LY6H: variants seen among roughly 807,000 people sequenced by gnomAD.
The protein encoded by LY6H is lymphocyte antigen 6 family member H, also known as lymphocyte antigen 6H.
LY6H carries 8 observed loss-of-function variants against 14.6 expected under a neutral mutation model. The ratio of observed to expected loss-of-function variants is 0.55; its 90% CI spans 0.32 to 0.99. The LOEUF (loss-of-function observed/expected upper bound fraction) is 0.99, where lower values mean the gene tolerates loss of function less well. LY6H is among the 50% of genes least tolerant of loss of function. The pLI is 0.04. For synonymous variants in LY6H, 115 were observed against 97.2 expected (o/e 1.18, Z -1.08); for missense variants, 196 against 219.6 (o/e 0.89, Z 0.68).
Position 143,158,323 on chromosome 8 carries a change from C to G in LY6H, c.413G>C (p.Gly138Ala). The change falls in exon 4 of 4, where the codon GGG becomes GCG. Residue 138 changes from glycine to alanine, a missense_variant. Physicochemically the swap from Gly to Ala is moderately conservative, Grantham distance 60. Transcript: ENST00000342752. ...KDLCNGAAGA[G>A]HSPWALAGGL... is the part of the protein sequence containing the mutation. Reference sequence around the variant, plus strand: ...CCCGGCCAGGGCCCAGGGGCTGTGCCCTGCCCCTGCCGCCCCATTGCACAA... The same window carrying G: ...CCCGGCCAGGGCCCAGGGGCTGTGCGCTGCCCCTGCCGCCCCATTGCACAA... 1 of 1,613,754 alleles carries G rather than the reference C, an allele frequency of 6.2e-7. No individual in the cohort carries two copies. The highest frequency in any genetic ancestry group is 8.5e-7 in the Non-Finnish European group (1 of 1,179,878).
Position 143,158,276 on chromosome 8 carries a change from G to GC in LY6H, c.459dup (p.Pro154AlafsTer58). 1.9e-6 allele frequency: 3 copies of GC among 1,612,706 alleles called. No homozygotes were observed. The highest frequency in any genetic ancestry group is 2.5e-6 in the Non-Finnish European group (3 of 1,179,292). On this transcript the variant is annotated frameshift_variant, in exon 4 of 4. Coordinates refer to ENST00000342752, the MANE Select transcript of LY6H (RefSeq NM_001135655.2). LOFTEE classifies it high-confidence loss of function. ...CAGGGCCCAGCCCAGAGGAGGGCAG[G>GC]CCCCAGGCTGAGCAGGAGCCCCCCG...
Position 143,159,673 on chromosome 8 carries a change from G to C in LY6H, c.39C>G (p.Arg13=). Residue 13 remains arginine (R), a synonymous_variant, in exon 2 of 4, where the codon CGC becomes CGG. Coordinates refer to ENST00000342752, the MANE Select transcript of LY6H (RefSeq NM_001135655.2). ...APQRTRAPSP[R]AAPRPTRSML... is the part of the protein sequence containing the mutation. Reference sequence around the variant, plus strand: ...TGCTCCGGGTGGGCCTGGGGGCGGCGCGGGGGCTTGGGGCGCGGGTCCTCT... The same window carrying C: ...TGCTCCGGGTGGGCCTGGGGGCGGCCCGGGGGCTTGGGGCGCGGGTCCTCT... 1 of 1,399,772 alleles carries C rather than the reference G, an allele frequency of 7.1e-7. No individual in the cohort carries two copies. Among genetic ancestry groups the C allele is most frequent in the Non-Finnish European group, 9.2e-7 (1 of 1,088,106 alleles). 86.7% of individuals were successfully genotyped at this position (1,399,772 alleles called of 1,614,324 possible).
chr8:143,158,621 G>T, intron 3 of LY6H, 136 bp from the exon 4 acceptor site: 2 of 1,146,040 alleles, frequency 1.7e-6, no homozygotes, highest in Non-Finnish European at 2.5e-6. Flanking sequence ...ACCCTCCCAC[G>T]CTGGCCTCAA....
rs546448972 is a variant in LY6H at position 143,160,231 on chromosome 8, G to A, written c.-32C>T. 1.1e-5 allele frequency: 14 copies of A among 1,280,150 alleles called. No homozygotes were observed. The Admixed American group carries it at 1.6e-4, about 14-fold the overall frequency. The allele number at this position is 1,280,150 out of a possible 1,614,324, so 79.3% of individuals were successfully genotyped here. A position where few individuals can be genotyped will look rare whatever the true frequency, so the allele number is the denominator to read the frequency against. ...GGTGTCCGCACTCCGGGCTCGGGCG[G>A]CGTGCGCGGCGCGGGGAGCTGTGCC... On this transcript the variant is annotated 5_prime_UTR_variant, in exon 1 of 4. Transcript: ENST00000342752.
intron 1 of LY6H, 30 bp downstream of exon 1, chr8:143,160,168 G>C: frequency 7.8e-7 from 1 of 1,278,524 alleles, no homozygotes; most frequent in Admixed American, 3.2e-5. Flanking sequence ...GGCGTGGAGC[G>C]CGGGCCTCGG....
chr8:143,159,654 G>A lies in LY6H; in HGVS notation c.58C>T (p.Arg20Trp). The part of the protein sequence containing the change: ...PSPRAAPRPT[R>W]SMLPAAMKGL... ...TTCATGGCTGCAGGCAGCATGCTCC[G>A]GGTGGGCCTGGGGGCGGCGCGGGGG... is the stretch of plus-strand genomic sequence containing the variant. Residue 20 changes from arginine to tryptophan, a missense_variant, in exon 2 of 4, where the codon CGG (arginine) becomes TGG (tryptophan). Coordinates refer to ENST00000342752, the MANE Select transcript of LY6H (RefSeq NM_001135655.2). 3 of 1,423,618 alleles carry A rather than the reference G, an allele frequency of 2.1e-6. No homozygotes were observed. The highest frequency in any genetic ancestry group is 1.8e-6 in the Non-Finnish European group (2 of 1,100,142). 88.2% of individuals were successfully genotyped at this position (1,423,618 alleles called of 1,614,324 possible).
chr8:143,159,811 G>A, intron 1 of LY6H, 102 bp from the exon 2 acceptor site: 1 of 1,244,162 alleles, frequency 8.0e-7, no homozygotes. Context: ...GGTCCGCCCG[G>A]AGCTCGCAGA....
At chr8:143,160,106 C>T (rs925284206) in intron 1 of LY6H, 92 bp downstream of exon 1, 106 of 1,102,340 alleles carry the variant, frequency 9.6e-5, no homozygotes, top group Non-Finnish European at 1.2e-4. Context: ...AACCCCGGGC[C>T]GAGTCCCCTC....
At chr8:143,159,762 G>T in intron 1 of LY6H, 53 bp from the exon 2 acceptor site, 1 of 1,316,180 alleles carries the variant, frequency 7.6e-7, no homozygotes, top group Non-Finnish European at 9.7e-7. Flanking sequence ...TCCTTTCCCA[G>T]CCTCAGGATG....
Position 143,157,979 on chromosome 8 carries a change from A to T in LY6H, c.*271T>A. ...GCCCTTCCAGCTGGGCTGTTGCTTCACTTCCCCTCCGGGACCTGGGGGTCC... is the reference window on the plus strand; with the variant it reads ...GCCCTTCCAGCTGGGCTGTTGCTTCTCTTCCCCTCCGGGACCTGGGGGTCC... On this transcript the variant is annotated 3_prime_UTR_variant, in exon 4 of 4. Transcript: ENST00000342752. 1 of 459,502 alleles carries T rather than the reference A, an allele frequency of 2.2e-6. No individual in the cohort carries two copies. 28.5% of individuals were successfully genotyped at this position (459,502 alleles called of 1,614,324 possible).
intron 3 of LY6H, among the ~76,000 whole-genome samples, 155 bp downstream of exon 3, chr8:143,158,648 A>G (rs1400469445): frequency 2.0e-5 from 3 of 151,930 alleles, no homozygotes; most frequent in African/African-American, 7.3e-5. Flanking sequence ...GAAAAGGGCC[A>G]CCAAGGAGCC....
In LY6H at chr8:143,159,394, G is replaced by A. The variant is rs970545046; in HGVS notation, c.130+188C>T. 5 of 656,034 alleles carry A rather than the reference G, an allele frequency of 7.6e-6. No homozygotes were observed. The African/African-American group carries it at 7.6e-5, about 10-fold the overall frequency. The allele number at this position is 656,034 out of a possible 1,614,324, so 40.6% of individuals were successfully genotyped here. ...TTCCAGGCCCTGGAGGAAGAGCGCT[G>A]GAGAGAGCCCAGTGCCGGGGCAGAG... On this transcript the variant is annotated intron_variant, in intron 2 of 3. Coordinates refer to ENST00000342752, the MANE Select transcript of LY6H (RefSeq NM_001135655.2).
In LY6H at chr8:143,157,976, T is replaced by C; in HGVS notation, c.*274A>G. 1 of 464,544 alleles carries C rather than the reference T, an allele frequency of 2.2e-6. No homozygotes were observed. 28.8% of individuals were successfully genotyped at this position (464,544 alleles called of 1,614,324 possible). A position where few individuals can be genotyped will look rare whatever the true frequency, so the allele number is the denominator to read the frequency against. ...GACGCCCTTCCAGCTGGGCTGTTGC[T>C]TCACTTCCCCTCCGGGACCTGGGGG... On this transcript the variant is annotated 3_prime_UTR_variant, in exon 4 of 4. Transcript: ENST00000342752.
rs1167293733 is a variant in LY6H at position 143,158,445 on chromosome 8, G to A, written c.291C>T (p.Ser97=). 3.1e-6 allele frequency: 5 copies of A among 1,613,838 alleles called. No homozygotes were observed. Among genetic ancestry groups the A allele is most frequent in the Non-Finnish European group, 4.2e-6 (5 of 1,179,948 alleles). Residue 97 remains serine (S), a synonymous_variant, in exon 4 of 4, where the codon TCC becomes TCT. Transcript: ENST00000342752. ...DHSVNKMCAS[S]CDFVKRHFFS... Reference sequence around the variant, plus strand: ...AAAAGTGTCGCTTAACGAAGTCACAGGAGGAGGCACACATCTTGTTCACCG... The same window carrying A: ...AAAAGTGTCGCTTAACGAAGTCACAAGAGGAGGCACACATCTTGTTCACCG...
At chr8:143,159,886 G>T in intron 1 of LY6H, 177 bp from the exon 2 acceptor site, 2 of 1,141,838 alleles carry the variant, frequency 1.8e-6, no homozygotes, top group Non-Finnish European at 2.2e-6. Flanking sequence ...GAGACGTCTG[G>T]CCTCTGGGGC....
At chr8:143,160,369 G>GGGGGGC, upstream of LY6H, 1 of 292,130 alleles carries the variant, frequency 3.4e-6, no homozygotes, top group Non-Finnish European at 5.7e-6. Context: ...GGGGCCGCGC[G>GGGGGGC]GGGGGCGGGG....
In LY6H at chr8:143,160,286, G is replaced by T; in HGVS notation, c.-87C>A. ...GGTCTCCCTGCGGACCGGAATCCGG[G>T]CGCAGCCTCGTCTTTCGGGGAACGC... On this transcript the variant is annotated 5_prime_UTR_variant, in exon 1 of 4. Transcript: ENST00000342752. 1 of 1,126,838 alleles carries T rather than the reference G, an allele frequency of 8.9e-7. No individual in the cohort carries two copies. Among genetic ancestry groups the T allele is most frequent in the Non-Finnish European group, 1.1e-6 (1 of 885,530 alleles). 69.8% of individuals were successfully genotyped at this position (1,126,838 alleles called of 1,614,324 possible).
At chr8:143,158,946 G>C (rs886441474) in intron 2 of LY6H, 24 bp from the exon 3 acceptor site, 15 of 1,611,346 alleles carry the variant, frequency 9.3e-6, no homozygotes, top group Non-Finnish European at 1.3e-5. Context: ...GGGGAGGAGG[G>C]TGACCAGAGG....
At chr8:143,160,139 C>A in intron 1 of LY6H, 59 bp downstream of exon 1, 2 of 1,248,270 alleles carry the variant, frequency 1.6e-6, no homozygotes. Context: ...GCGCGCGCCT[C>A]GGCGCTCACC....
Sources: allele counts gnomAD v4.1 joint callset (sites outside exome capture counted in the v4.1 genomes callset), GRCh38; gene constraint gnomAD v4.1.1; transcripts MANE v1.5; gene names NCBI Gene and HGNC (gene_info 2026-07-23, HGNC 2026-07-21).